Variants in AKT2 observed in about 807,000 individuals in gnomAD.
AKT2 encodes AKT serine/threonine kinase 2.
In AKT2, 16 loss-of-function variants were observed where a neutral mutation model predicts 58.6. The ratio of observed to expected loss-of-function variants is 0.27; its 90% confidence interval spans 0.18 to 0.41. The LOEUF is 0.41. Ranked by LOEUF, AKT2 falls within the 10% of genes least tolerant of loss-of-function variation. AKT2 has a pLI of 1.00. For missense variants in AKT2, 438 were observed against 661.0 expected (o/e 0.66, Z 3.70); for synonymous variants, 253 against 254.0 (o/e 1.00, Z 0.04).
At chr19:40,247,758 A>T (rs1974850302) in intron 4 of AKT2, among the ~76,000 whole-genome samples, 1 of 152,162 alleles carries the variant, frequency 6.6e-6, no homozygotes, top group South Asian at 2.1e-4. Context: ...TCGCCCTCCC[A>T]GCAACCCTGT....
At chr19:40,267,702 C>G (rs964102081) in intron 1 of AKT2, among the ~76,000 whole-genome samples, 1 of 152,222 alleles carries the variant, frequency 6.6e-6, no homozygotes, top group Non-Finnish European at 1.5e-5. Flanking sequence ...GGACACACTA[C>G]CAGACTCTCT....
chr19:40,242,442 T>A lies in AKT2; in HGVS notation c.441+92A>T. 6.3e-7 allele frequency: 1 copy of A among 1,577,268 alleles called. No homozygotes were observed. The highest frequency in any genetic ancestry group is 8.6e-7 in the Non-Finnish European group (1 of 1,156,218). ...AGCCTTGTCTCTCAGCTGAGCCCCCTGAACTGTGTTATGGAAACCAAGGAG... is the reference window on the plus strand; with the variant it reads ...AGCCTTGTCTCTCAGCTGAGCCCCCAGAACTGTGTTATGGAAACCAAGGAG... On this transcript the variant is annotated intron_variant, in intron 5 of 13. Transcript: ENST00000392038. This position sits in a 1 kb window ranked among gnomAD's most constrained non-coding sequence, Gnocchi z 4.3.
chr19:40,233,380 G>A lies in AKT2; in HGVS notation c.*492C>T. On this transcript the variant is annotated 3_prime_UTR_variant, in exon 14 of 14. Coordinates refer to ENST00000392038, the MANE Select transcript of AKT2 (RefSeq NM_001626.6). This position sits in a 1 kb window ranked among gnomAD's most constrained non-coding sequence, Gnocchi z 4.3. ...TTTCTGCCCCCATAGGGGGACAGCG[G>A]GTGGGGGATTGGACCGCCCCGTGCC... 2.3e-6 allele frequency: 1 copy of A among 433,142 alleles called. No homozygotes were observed. Among genetic ancestry groups the A allele is most frequent in the Non-Finnish European group, 4.4e-6 (1 of 228,660 alleles). 26.8% of individuals were successfully genotyped at this position (433,142 alleles called of 1,614,324 possible).
At chr19:40,261,292 G>A (rs1464934558) in intron 2 of AKT2, among the ~76,000 whole-genome samples, 1 of 152,178 alleles carries the variant, frequency 6.6e-6, no homozygotes, top group South Asian at 2.1e-4. Context: ...CAGCACTTTG[G>A]GAGGCCAAGG....
At position 40,238,042 on chromosome 19, in the gene AKT2, C is replaced by T. The variant is rs145907048; in HGVS notation, c.758G>A (p.Arg253Gln). Residue 253 changes from arginine (R) to glutamine (Q), a missense_variant, in exon 9 of 14, where the codon CGG (arginine) becomes CAG (glutamine). Arg to Gln is a conservative substitution (Grantham distance 43). Coordinates refer to ENST00000392038, the MANE Select transcript of AKT2 (RefSeq NM_001626.6). This position sits in a 1 kb window ranked among gnomAD's most constrained non-coding sequence, Gnocchi z 5.1. Reference sequence around the variant, plus strand: ...CGAGACAATCTCTGCACCATAAAACCGGGCCCGCTCCTCTGTGAAGACACG... The same window carrying T: ...CGAGACAATCTCTGCACCATAAAACTGGGCCCGCTCCTCTGTGAAGACACG... ...RERVFTEERA[R>Q]FYGAEIVSAL... The T allele has an allele frequency of 5.7e-5, 92 of 1,609,486 alleles. No individual in the cohort carries two copies. The highest frequency in any genetic ancestry group is 3.3e-4 in the Middle Eastern group (2 of 6,082).
At chr19:40,257,586 AACACACACACACACACACAC>A (rs59835118) in intron 2 of AKT2, among the ~76,000 whole-genome samples, 3 of 146,124 alleles carry the variant, frequency 2.1e-5, no homozygotes, top group Non-Finnish European at 3.0e-5. Context: ...TATGCACACA[AACACACACACACACACACAC>A]ACACACACAC....
At position 40,233,796 on chromosome 19, in the gene AKT2, T is replaced by A. The variant is rs2145148842; in HGVS notation, c.*76A>T. On this transcript the variant is annotated 3_prime_UTR_variant, in exon 14 of 14. Transcript: ENST00000392038. The surrounding 1 kb of genome is among the most constrained non-coding windows in gnomAD (Gnocchi z 4.3). The stretch of plus-strand genomic sequence containing the variant: ...GGGTGGGGACACAAACCAAAAAGGC[T>A]AAGTAAAAAGTTAGGGGGAAAAAAC... The A allele has an allele frequency of 6.8e-7, 1 of 1,471,526 alleles. No individual in the cohort carries two copies. The highest frequency in any genetic ancestry group is 9.4e-7 in the Non-Finnish European group (1 of 1,065,952). The allele number at this position is 1,471,526 out of a possible 1,614,324, so 91.2% of individuals were successfully genotyped here. A position where few individuals can be genotyped will look rare whatever the true frequency, so the allele number is the denominator to read the frequency against.
rs957368431 is a variant in AKT2 at position 40,234,826 on chromosome 19, C to G, written c.1366+219G>C. 1.7e-5 allele frequency: 11 copies of G among 644,906 alleles called. No individual in the cohort carries two copies. Among genetic ancestry groups the G allele is most frequent in the Non-Finnish European group, 2.0e-5 (7 of 357,206 alleles). The allele number at this position is 644,906 out of a possible 1,614,324, so 39.9% of individuals were successfully genotyped here. A position where few individuals can be genotyped will look rare whatever the true frequency, so the allele number is the denominator to read the frequency against. ...CGGGCTGCCTCCTGCCCTGAGCCCC[C>G]CGACTGAGCTCCAGAACGTGCTGCA... On this transcript the variant is annotated intron_variant, in intron 13 of 13. Coordinates refer to ENST00000392038, the MANE Select transcript of AKT2 (RefSeq NM_001626.6). The surrounding 1 kb of genome is among the most constrained non-coding windows in gnomAD (Gnocchi z 4.7).
Position 40,231,365 on chromosome 19 carries a change from T to C in AKT2, c.*2507A>G. ...TGGAAGAGTAAAAGGCCTTTCTTCA[T>C]AGGCCTGCCTATTTTATGACCACCA... On this transcript the variant is annotated 3_prime_UTR_variant, in exon 14 of 14. Coordinates refer to ENST00000392038, the MANE Select transcript of AKT2 (RefSeq NM_001626.6). The C allele has an allele frequency of 8.6e-6, 2 of 233,186 alleles. No homozygotes were observed. The highest frequency in any genetic ancestry group is 1.1e-4 in the Admixed American group (2 of 17,800). The allele number at this position is 233,186 out of a possible 1,614,324, so 14.4% of individuals were successfully genotyped here.
In AKT2 at chr19:40,242,997, A is replaced by C; in HGVS notation, c.288-310T>G. The C allele has an allele frequency of 5.5e-6, 2 of 361,910 alleles. No individual in the cohort carries two copies. The highest frequency in any genetic ancestry group is 1.1e-5 in the Non-Finnish European group (2 of 185,150). 22.4% of individuals were successfully genotyped at this position (361,910 alleles called of 1,614,324 possible). On this transcript the variant is annotated intron_variant, in intron 4 of 13. Transcript: ENST00000392038. This position sits in a 1 kb window ranked among gnomAD's most constrained non-coding sequence, Gnocchi z 4.3. ...CCCCGTCTCTACTAAAAATACAAAA[A>C]TTAGTCAGGGGTGGCATTCGCCTAA...
Position 40,236,043 on chromosome 19 carries a change from T to C in AKT2, c.1022A>G (p.Tyr341Cys). 1.2e-6 allele frequency: 2 copies of C among 1,614,106 alleles called. No homozygotes were observed. Among genetic ancestry groups the C allele is most frequent in the Non-Finnish European group, 1.7e-6 (2 of 1,180,022 alleles). The part of the protein sequence containing the change: ...VDWWGLGVVM[Y>C]EMMCGRLPFY... ...GGGCAGGCGGCCGCACATCATCTCG[T>C]ACATGACCACACCCAGCCCCCACCA... Residue 341 changes from tyrosine to cysteine, a missense_variant, in exon 11 of 14, where the codon TAC becomes TGC. By Grantham distance (194) the Tyr-to-Cys change is radical. This residue lies in a region of AKT2 where 148 missense variants were observed against 199.5 expected (regional missense o/e 0.74). Coordinates refer to ENST00000392038, the MANE Select transcript of AKT2 (RefSeq NM_001626.6).
intron 2 of AKT2, among the ~76,000 whole-genome samples, chr19:40,262,897 A>G (rs1016854714): frequency 1.3e-5 from 2 of 152,222 alleles, no homozygotes; most frequent in Non-Finnish European, 2.9e-5. Context: ...CCAAAACAGC[A>G]GTAGTCAGCA....
rs143696159 is a variant in AKT2 at position 40,282,248 on chromosome 19, G to A, written c.-85+2933C>T. On this transcript the variant is annotated intron_variant, in intron 1 of 13. Transcript: ENST00000392038. The stretch of plus-strand genomic sequence containing the variant: ...CCAGGCACCATTCTAGGAGCTTCTC[G>A]TGGATTAATTCATTTAATCCTCACA... The A allele has an allele frequency of 1.8e-3, 564 of 321,588 alleles. 4 individuals carry two copies. The highest frequency in any genetic ancestry group is 0.011 in the African/African-American group (510 of 44,890). 19.9% of individuals were successfully genotyped at this position (321,588 alleles called of 1,614,324 possible).
At chr19:40,274,021 C>G (rs1180307370) in intron 1 of AKT2, 1 of 152,822 alleles carries the variant, frequency 6.5e-6, no homozygotes, top group Non-Finnish European at 1.5e-5. Context: ...TCTCACACCC[C>G]AAGACCTTTG....
intron 7 of AKT2, 120 bp from the exon 8 acceptor site, chr19:40,239,093 C>A: frequency 1.0e-6 from 1 of 984,356 alleles, no homozygotes; most frequent in East Asian, 2.5e-5. Context: ...GGCTGGGGCC[C>A]CCAGGAGTCA....
chr19:40,261,229 T>C (rs1055833720), intron 2 of AKT2, among the ~76,000 whole-genome samples: 11 of 152,286 alleles, frequency 7.2e-5, no homozygotes, highest in Non-Finnish European at 1.5e-4. Context: ...ACAGAGTGGG[T>C]TCCTTATAAA....
intron 9 of AKT2, 59 bp from the exon 10 acceptor site, chr19:40,236,444 C>G: frequency 4.3e-6 from 7 of 1,611,702 alleles, no homozygotes; most frequent in Non-Finnish European, 5.9e-6. Flanking sequence ...GCCACCCCAG[C>G]CTTTCCTTCC....
At chr19:40,241,738 T>G (rs1974419509) in intron 6 of AKT2, 200 bp downstream of exon 6, 1 of 752,664 alleles carries the variant, frequency 1.3e-6, no homozygotes, top group Non-Finnish European at 2.1e-6. Flanking sequence ...GCCCCTAACA[T>G]AGGGTGGAGG....
Position 40,233,112 on chromosome 19 carries a change from G to A in AKT2, c.*760C>T, listed in dbSNP as rs1053057075. On this transcript the variant is annotated 3_prime_UTR_variant, in exon 14 of 14. Transcript: ENST00000392038. The surrounding 1 kb of genome is among the most constrained non-coding windows in gnomAD (Gnocchi z 4.3). ...GGGAGGTAAGGCCAGCTGGAAGGAAGCCCTAGTAAGGCACGGGGCTGGGAG... is the reference window on the plus strand; with the variant it reads ...GGGAGGTAAGGCCAGCTGGAAGGAAACCCTAGTAAGGCACGGGGCTGGGAG... 3 of 237,602 alleles carry A rather than the reference G, an allele frequency of 1.3e-5. No individual in the cohort carries two copies. In the Admixed American group the frequency reaches 1.6e-4, roughly 13 times the overall value. The allele number at this position is 237,602 out of a possible 1,614,324, so 14.7% of individuals were successfully genotyped here.
Sources: gnomAD v4.1 joint callset for allele counts (sites outside exome capture counted in the v4.1 genomes callset) on GRCh38, gnomAD v4.1.1 for gene constraint, gnomAD v4.1.1 regional missense constraint, Gnocchi (gnomAD v3.1) non-coding constraint, MANE v1.5 for transcripts, NCBI Gene and HGNC (gene_info 2026-07-23, HGNC 2026-07-21) for gene names.